FAM227B: variants seen among roughly 807,000 people sequenced by gnomAD.
The protein encoded by FAM227B is protein FAM227B.
A neutral mutation model predicts 73.8 loss-of-function variants in FAM227B; 88 were observed. The observed-to-expected ratio is 1.19, with a 90% CI of 1.00 to 1.42. The LOEUF is 1.42. FAM227B is among the 40% of genes most tolerant of loss of function. The pLI is 0.00. For synonymous variants in FAM227B, 210 were observed against 190.5 expected (o/e 1.10, Z -0.84); for missense variants, 632 against 590.9 (o/e 1.07, Z -0.72).
rs142946178 is a variant in FAM227B, at chr15:49,593,262, T to C, written c.106-3255A>G. On this transcript the variant is annotated intron_variant, in intron 3 of 15. Coordinates refer to ENST00000299338, the MANE Select transcript of FAM227B (RefSeq NM_152647.3). ...GGAAATGCAGAAATCACCCGTCTTC[T>C]GCACCAATCACACAGGAGCTGTAGA... 2.0e-3 allele frequency among the ~76,000 whole-genome samples: 300 copies of C among 152,310 alleles called. 1 individual carries two copies. The highest frequency in any genetic ancestry group is 6.9e-3 in the African/African-American group (287 of 41,576).
Position 49,349,922 on chromosome 15 carries a change from A to G in FAM227B, c.1272-14426T>C, listed in dbSNP as rs924123647. On this transcript the variant is annotated intron_variant, in intron 13 of 15. Coordinates refer to ENST00000299338, the MANE Select transcript of FAM227B (RefSeq NM_152647.3). The stretch of plus-strand genomic sequence containing the variant: ...TGAAAGGGGAAAAAAAATCCAACCA[A>G]AACAAAATGAGAGGGAGAATTTAAG... Among the ~76,000 whole-genome samples the G allele has an allele frequency of 3.3e-5, 5 of 152,248 alleles. No homozygotes were observed. In the East Asian group the frequency reaches 9.6e-4, roughly 29 times the overall value.
chr15:49,473,427 T>C (rs751323535), intron 11 of FAM227B, among the ~76,000 whole-genome samples: 12 of 151,856 alleles, frequency 7.9e-5, no homozygotes, highest in South Asian at 2.1e-4. Context: ...TTTAAATTGA[T>C]GTATATTTGA....
At chr15:49,362,599 T>A (rs2044430812) in intron 13 of FAM227B, among the ~76,000 whole-genome samples, 1 of 152,240 alleles carries the variant, frequency 6.6e-6, no homozygotes, top group African/African-American at 2.4e-5. Context: ...GATAGGTCTT[T>A]TGCTGCGCAG....
chr15:49,527,224 A>G (rs2060270090), intron 10 of FAM227B, among the ~76,000 whole-genome samples: 1 of 152,036 alleles, frequency 6.6e-6, no homozygotes, highest in African/African-American at 2.4e-5. Flanking sequence ...GGATGTAAGG[A>G]TGGCTCAAGA....
intron 11 of FAM227B, among the ~76,000 whole-genome samples, chr15:49,438,204 T>C (rs1437822588): frequency 1.3e-5 from 2 of 151,686 alleles, no homozygotes; most frequent in Non-Finnish European, 3.0e-5. Flanking sequence ...CCATAGGCTA[T>C]AAGGAGCCAT....
chr15:49,372,102 AATAAAATT>A (rs2045874629), intron 11 of FAM227B, among the ~76,000 whole-genome samples: 1 of 94,390 alleles, frequency 1.1e-5, no homozygotes, highest in African/African-American at 4.1e-5. Context: ...AAATAAATGA[AATAAAATT>A]CATTTATAAA....
intron 13 of FAM227B, among the ~76,000 whole-genome samples, chr15:49,340,887 ATAGTG>A (rs1345951738): frequency 6.6e-5 from 10 of 152,304 alleles, no homozygotes; most frequent in African/African-American, 2.4e-4. Flanking sequence ...TAGGATTCTT[ATAGTG>A]TAAAGTCTTA....
intron 15 of FAM227B, 76 bp from the exon 16 acceptor site, chr15:49,328,751 C>T: frequency 1.3e-6 from 2 of 1,488,626 alleles, no homozygotes; most frequent in South Asian, 1.4e-5. Context: ...TGTGAGATTT[C>T]TCCAGTTATC....
At chr15:49,404,423 G>C (rs914906990) in intron 11 of FAM227B, among the ~76,000 whole-genome samples, 1 of 152,138 alleles carries the variant, frequency 6.6e-6, no homozygotes, top group African/African-American at 2.4e-5. Flanking sequence ...CTAAGAAGTT[G>C]CTTTATGAAT....
At position 49,559,300 on chromosome 15, in the gene FAM227B, G is replaced by A. The variant is rs546594682; in HGVS notation, c.747+8945C>T. ...GCAGGTGCCTGTGCTTGCCATTTGG[G>A]CATTTGTGGGAAAGCAAGGGGCTCC... On this transcript the variant is annotated intron_variant, in intron 9 of 15. Transcript: ENST00000299338. Among the ~76,000 whole-genome samples the A allele has an allele frequency of 3.3e-5, 5 of 152,212 alleles. No homozygotes were observed. In the South Asian group the frequency reaches 1.0e-3, roughly 32 times the overall value.
intron 11 of FAM227B, among the ~76,000 whole-genome samples, chr15:49,460,098 C>T (rs72729104): frequency 1.2e-4 from 18 of 152,184 alleles, no homozygotes; most frequent in Non-Finnish European, 2.2e-4. Flanking sequence ...ACTGTGACAA[C>T]CTGTGCAAGG....
intron 11 of FAM227B, among the ~76,000 whole-genome samples, chr15:49,480,527 G>C (rs2055843197): frequency 6.9e-6 from 1 of 145,326 alleles, no homozygotes; most frequent in Non-Finnish European, 1.5e-5. Context: ...TGTTGCCTAG[G>C]CTAGAGGGCA....
intron 11 of FAM227B, among the ~76,000 whole-genome samples, chr15:49,417,026 C>A: frequency 6.6e-6 from 1 of 152,050 alleles, no homozygotes. Flanking sequence ...CTTCACAGAA[C>A]TAAAGAAAAC....
intron 9 of FAM227B, among the ~76,000 whole-genome samples, chr15:49,549,322 T>TTTTA (rs71120694): frequency 2.6e-4 from 39 of 147,774 alleles, no homozygotes; most frequent in East Asian, 8.0e-4. Flanking sequence ...TGCATATGTA[T>TTTTA]TTTATTTATT....
At chr15:49,408,858 G>A (rs924529189) in intron 11 of FAM227B, among the ~76,000 whole-genome samples, 13 of 151,446 alleles carry the variant, frequency 8.6e-5, no homozygotes, top group Admixed American at 2.0e-4. Flanking sequence ...GGAGGGGTGG[G>A]GTTATATCAC....
chr15:49,520,259 A>T (rs1056202877), intron 10 of FAM227B, among the ~76,000 whole-genome samples: 1 of 152,162 alleles, frequency 6.6e-6, no homozygotes, highest in Non-Finnish European at 1.5e-5. Context: ...CCATTCAACA[A>T]ATCTCTAGGA....
chr15:49,613,076 C>T (rs2078054520), intron 2 of FAM227B, among the ~76,000 whole-genome samples: 1 of 152,140 alleles, frequency 6.6e-6, no homozygotes, highest in African/African-American at 2.4e-5. Context: ...GGGTCAAGCA[C>T]AGTGGCTCAT....
chr15:49,539,872 G>T (rs1410443274), intron 10 of FAM227B, among the ~76,000 whole-genome samples: 2 of 152,208 alleles, frequency 1.3e-5, no homozygotes, highest in Non-Finnish European at 2.9e-5. Flanking sequence ...CCAGGTGCAG[G>T]CTAGCTTGTC....
chr15:49,464,568 T>G (rs752936740), intron 11 of FAM227B, among the ~76,000 whole-genome samples: 20 of 152,200 alleles, frequency 1.3e-4, no homozygotes, highest in Non-Finnish European at 1.9e-4. Context: ...TGACTTTTAA[T>G]GTATTGAATT....
Sources: gnomAD v4.1 joint callset for allele counts (sites outside exome capture counted in the v4.1 genomes callset) on GRCh38, gnomAD v4.1.1 for gene constraint, MANE v1.5 for transcripts, NCBI Gene and HGNC (gene_info 2026-07-23, HGNC 2026-07-21) for gene names.